GRM3: variants seen among roughly 807,000 people sequenced by gnomAD.
The protein encoded by GRM3 is metabotropic glutamate receptor 3.
Under a neutral mutation model 70.5 loss-of-function variants are expected in GRM3, and 26 were observed. That is an observed-to-expected ratio of 0.37 (90% CI 0.27 to 0.51). GRM3 has a LOEUF of 0.51. Ranked by LOEUF, GRM3 falls within the 20% of genes least tolerant of loss-of-function variation. The pLI, the probability that GRM3 is intolerant of heterozygous loss-of-function variation, is 0.93. For missense variants in GRM3, 859 were observed against 1,123.8 expected (o/e 0.76, Z 3.37); for synonymous variants, 443 against 434.9 (o/e 1.02, Z -0.23).
At chr7:86,679,141 A>C (rs1794382490) in intron 1 of GRM3, among the ~76,000 whole-genome samples, 1 of 152,044 alleles carries the variant, frequency 6.6e-6, no homozygotes, top group Non-Finnish European at 1.5e-5. Flanking sequence ...TGGAGCTGTA[A>C]TCTCTTGTCT....
intron 2 of GRM3, chr7:86,784,545 A>G (rs1472262330): frequency 6.6e-6 from 1 of 152,220 alleles, no homozygotes; most frequent in African/African-American, 2.4e-5. Flanking sequence ...TCATTCTAGA[A>G]GTAATGACAG....
intron 1 of GRM3, chr7:86,710,163 ATCTTT>A (rs1412188343): frequency 6.6e-6 from 1 of 152,104 alleles, no homozygotes. Context: ...CTATTGTCTT[ATCTTT>A]TCATTTTTTC....
At chr7:86,811,630 T>C (rs1006678680) in intron 3 of GRM3, among the ~76,000 whole-genome samples, 1 of 151,812 alleles carries the variant, frequency 6.6e-6, no homozygotes, top group Non-Finnish European at 1.5e-5. Flanking sequence ...AAAGAGCTCA[T>C]TGGATGCAAT....
At chr7:86,693,036 G>A (rs1334426282) in intron 1 of GRM3, among the ~76,000 whole-genome samples, 1 of 152,114 alleles carries the variant, frequency 6.6e-6, no homozygotes, top group Non-Finnish European at 1.5e-5. Flanking sequence ...GGTCCAGATA[G>A]GTGGATTTTT....
intron 3 of GRM3, among the ~76,000 whole-genome samples, chr7:86,791,360 G>A (rs1426870893): frequency 2.0e-5 from 3 of 152,208 alleles, no homozygotes; most frequent in Non-Finnish European, 4.4e-5. Flanking sequence ...AAAGGAAAGT[G>A]TATGACTTCT....
At chr7:86,695,532 C>G (rs553143580) in intron 1 of GRM3, among the ~76,000 whole-genome samples, 1 of 152,262 alleles carries the variant, frequency 6.6e-6, no homozygotes, top group East Asian at 1.9e-4. Flanking sequence ...TAAGGCCAAA[C>G]ATTAAAGGAC....
At chr7:86,797,999 A>C (rs1797593580) in intron 3 of GRM3, among the ~76,000 whole-genome samples, 1 of 152,212 alleles carries the variant, frequency 6.6e-6, no homozygotes, top group African/African-American at 2.4e-5. Context: ...CTGCATGTGC[A>C]CAGAAGACAA....
intron 1 of GRM3, among the ~76,000 whole-genome samples, chr7:86,734,735 T>C (rs897328878): frequency 2.0e-5 from 3 of 152,106 alleles, no homozygotes; most frequent in Non-Finnish European, 4.4e-5. Context: ...ATTACACTTG[T>C]CCTATTTTCC....
intron 1 of GRM3, among the ~76,000 whole-genome samples, chr7:86,722,638 G>A (rs1795498331): frequency 6.6e-6 from 1 of 151,904 alleles, no homozygotes; most frequent in South Asian, 2.1e-4. Context: ...ATAGCATTAG[G>A]AGAAATACCT....
At chr7:86,716,245 A>G (rs1005865056) in intron 1 of GRM3, among the ~76,000 whole-genome samples, 1 of 151,972 alleles carries the variant, frequency 6.6e-6, no homozygotes, top group African/African-American at 2.4e-5. Context: ...TAAAGAAAAA[A>G]AATAATTCTA....
intron 1 of GRM3, among the ~76,000 whole-genome samples, chr7:86,693,314 C>T (rs901596484): frequency 6.6e-6 from 1 of 152,212 alleles, no homozygotes; most frequent in African/African-American, 2.4e-5. Flanking sequence ...CAAAGCCTAC[C>T]TTAGGACATG....
In GRM3 at chr7:86,644,833, G is replaced by A; in HGVS notation, c.-180G>A. 6 of 1,289,738 alleles carry A rather than the reference G, an allele frequency of 4.7e-6. No individual in the cohort carries two copies. Among genetic ancestry groups the A allele is most frequent in the Non-Finnish European group, 5.1e-6 (5 of 988,810 alleles). 79.9% of individuals were successfully genotyped at this position (1,289,738 alleles called of 1,614,324 possible). Reference sequence around the variant, plus strand: ...CAGGCTCACCGCCGCCGCTGCCACCGCGGTCAGCTCCAGTTCCTGCCAGGA... The same window carrying A: ...CAGGCTCACCGCCGCCGCTGCCACCACGGTCAGCTCCAGTTCCTGCCAGGA... On this transcript the variant is annotated 5_prime_UTR_variant, in exon 1 of 6. Transcript: ENST00000361669.
chr7:86,710,854 T>C (rs1410425425), intron 1 of GRM3, among the ~76,000 whole-genome samples: 1 of 151,950 alleles, frequency 6.6e-6, no homozygotes, highest in Non-Finnish European at 1.5e-5. Flanking sequence ...AAAAGGTAGA[T>C]TGTTATTATT....
chr7:86,747,941 T>C (rs1479131421), intron 1 of GRM3, among the ~76,000 whole-genome samples: 1 of 152,052 alleles, frequency 6.6e-6, no homozygotes, highest in Non-Finnish European at 1.5e-5. Flanking sequence ...AGCTAACGTT[T>C]GCGCAGGGAA....
At chr7:86,653,125 C>T (rs1793648031) in intron 1 of GRM3, among the ~76,000 whole-genome samples, 1 of 152,134 alleles carries the variant, frequency 6.6e-6, no homozygotes, top group South Asian at 2.1e-4. Flanking sequence ...AGTCCTCTTC[C>T]CAAGCCACTT....
intron 5 of GRM3, among the ~76,000 whole-genome samples, chr7:86,856,831 G>A (rs1798859334): frequency 6.6e-6 from 1 of 151,916 alleles, no homozygotes; most frequent in Non-Finnish European, 1.5e-5. Context: ...TCTCTAATAT[G>A]TTGCTAGGTT....
At chr7:86,666,968 C>T (rs937548226) in intron 1 of GRM3, among the ~76,000 whole-genome samples, 2 of 151,986 alleles carry the variant, frequency 1.3e-5, no homozygotes, top group African/African-American at 2.4e-5. Flanking sequence ...TTGTCATAGG[C>T]GACTATGAAA....
At chr7:86,785,143 C>T (rs1238760541) in intron 2 of GRM3, among the ~76,000 whole-genome samples, 1 of 152,180 alleles carries the variant, frequency 6.6e-6, no homozygotes, top group Non-Finnish European at 1.5e-5. Flanking sequence ...GTAGACAGAG[C>T]ATACTGTAAT....
At chr7:86,747,852 T>C (rs762124715) in intron 1 of GRM3, among the ~76,000 whole-genome samples, 2 of 152,126 alleles carry the variant, frequency 1.3e-5, no homozygotes, top group Non-Finnish European at 2.9e-5. Flanking sequence ...AGGATGTAAT[T>C]TGAAGCAGCT....
Sources: allele counts gnomAD v4.1 joint callset (sites outside exome capture counted in the v4.1 genomes callset), GRCh38; gene constraint gnomAD v4.1.1; transcripts MANE v1.5; gene names NCBI Gene and HGNC (gene_info 2026-07-23, HGNC 2026-07-21).